ARHGAP8: variants seen among roughly 807,000 people sequenced by gnomAD.
ARHGAP8 encodes Rho GTPase activating protein 8.
ARHGAP8 carries 62 observed loss-of-function variants against 46.1 expected under a neutral mutation model. That is an observed-to-expected ratio of 1.34 (90% CI 1.10 to 1.66). The LOEUF (loss-of-function observed/expected upper bound fraction) is 1.66, where lower values mean the gene tolerates loss of function less well. ARHGAP8 is among the 40% of genes most tolerant of loss of function. The pLI, the probability that ARHGAP8 is intolerant of heterozygous loss-of-function variation, is 0.00. For missense variants in ARHGAP8, 923 were observed against 568.4 expected (o/e 1.62, Z -6.34); for synonymous variants, 375 against 243.1 (o/e 1.54, Z -5.05).
At position 44,783,447 on chromosome 22, in the gene ARHGAP8, C is replaced by G. The variant is rs912889451; in HGVS notation, c.-71-3010C>G. Among the ~76,000 whole-genome samples the G allele has an allele frequency of 2.2e-4, 34 of 152,208 alleles. 1 individual carries two copies. The highest frequency in any genetic ancestry group is 6.5e-5 in the Admixed American group (1 of 15,274). On this transcript the variant is annotated intron_variant, in intron 1 of 11. Coordinates refer to ENST00000356099, the MANE Select transcript of ARHGAP8 (RefSeq NM_181335.3). ...CGGCCCCCACAGGCCTCCTGCTCCC[C>G]CTTCTCTGCAGCCAGAGGGATCCTG...
intron 10 of ARHGAP8, among the ~76,000 whole-genome samples, chr22:44,855,710 G>C (rs1373277905): frequency 1.3e-5 from 2 of 152,136 alleles, no homozygotes; most frequent in South Asian, 4.1e-4. Flanking sequence ...ATGGATACAA[G>C]AGATGTTCTC....
chr22:44,857,590 C>A (rs77827853), intron 10 of ARHGAP8, among the ~76,000 whole-genome samples: 9,281 of 152,150 alleles, frequency 0.061, 389 homozygotes, highest in Non-Finnish European at 0.095. Context: ...GTGCGACGGA[C>A]AGGGGAGTGA....
chr22:44,862,329 T>C lies in ARHGAP8; in HGVS notation c.1036T>C (p.Phe346Leu). The C allele has an allele frequency of 6.2e-7, 1 of 1,613,890 alleles. No individual in the cohort carries two copies. Among genetic ancestry groups the C allele is most frequent in the Non-Finnish European group, 8.5e-7 (1 of 1,179,854 alleles). The change falls in exon 12 of 12, where the codon TTC becomes CTC. Residue 346 changes from phenylalanine to leucine, a missense_variant. Phe to Leu is a conservative substitution (Grantham distance 22). Coordinates refer to ENST00000356099, the MANE Select transcript of ARHGAP8 (RefSeq NM_181335.3). ...KMNSSNLACV[F>L]GLNLIWPSQG... is the part of the protein sequence containing the mutation. ...GAACAGCTCTAACCTGGCCTGTGTC[T>C]TCGGGCTGAATTTGATCTGGCCATC...
At chr22:44,754,126 G>T (rs1569128176) in intron 1 of ARHGAP8, among the ~76,000 whole-genome samples, 1 of 152,162 alleles carries the variant, frequency 6.6e-6, no homozygotes, top group Non-Finnish European at 1.5e-5. Flanking sequence ...TGGCTTCTGT[G>T]TAGAGAGAAT....
chr22:44,829,469 C>G (rs1337351499), intron 7 of ARHGAP8, among the ~76,000 whole-genome samples: 1 of 152,186 alleles, frequency 6.6e-6, no homozygotes, highest in African/African-American at 2.4e-5. Context: ...TCAGAACGTA[C>G]TGATGCAGGG....
rs200994103 is a variant in ARHGAP8, at chr22:44,786,586, A to G, written c.59A>G (p.His20Arg). The change falls in exon 2 of 12, where the codon CAT (histidine) becomes CGT (arginine). Residue 20 changes from histidine to arginine, a missense_variant. Physicochemically the swap from His to Arg is conservative, Grantham distance 29. Transcript: ENST00000356099. ...CACCCGTTCTACGACGTGGCCAGACATGGCATTCTGCAGGTGGCAGGTAGG... is the reference window on the plus strand; with the variant it reads ...CACCCGTTCTACGACGTGGCCAGACGTGGCATTCTGCAGGTGGCAGGTAGG... ...TSHPFYDVAR[H>R]GILQVAGDDR... 21 of 1,613,446 alleles carry G rather than the reference A, an allele frequency of 1.3e-5. No individual in the cohort carries two copies. In the East Asian group the frequency reaches 4.2e-4, roughly 33 times the overall value.
chr22:44,779,893 C>T (rs183608322), intron 1 of ARHGAP8, among the ~76,000 whole-genome samples: 104 of 152,210 alleles, frequency 6.8e-4, no homozygotes, highest in Non-Finnish European at 1.3e-3. Flanking sequence ...GACAAAACAA[C>T]AGGGGGGTCC....
Position 44,822,426 on chromosome 22 carries a change from C to T in ARHGAP8, c.442C>T (p.His148Tyr). Reference protein sequence around the residue: ...YFNYLSELHEHLKYDQLVIPP... With the variant: ...YFNYLSELHEYLKYDQLVIPP... ...CAACTACCTGAGTGAGCTCCACGAA[C>T]ACCTTAAATACGACCAGCTGGTCAT... Residue 148 changes from histidine to tyrosine, a missense_variant, in exon 6 of 12, where the codon CAC becomes TAC. By Grantham distance (83) the His-to-Tyr change is moderately conservative (BLOSUM62 2). Coordinates refer to ENST00000356099, the MANE Select transcript of ARHGAP8 (RefSeq NM_181335.3). The T allele has an allele frequency of 6.3e-7, 1 of 1,577,484 alleles. No homozygotes were observed. Among genetic ancestry groups the T allele is most frequent in the Non-Finnish European group, 8.6e-7 (1 of 1,168,216 alleles).
chr22:44,854,024 C>CAAAAAAAAAAAAA (rs71315119), intron 10 of ARHGAP8, among the ~76,000 whole-genome samples: 2 of 43,304 alleles, frequency 4.6e-5, no homozygotes, highest in African/African-American at 8.9e-5. Flanking sequence ...GACTCTGTCT[C>CAAAAAAAAAAAAA]AAAAAAAAAA....
intron 11 of ARHGAP8, 46 bp from the exon 12 acceptor site, chr22:44,862,229 G>A (rs1221461751): frequency 1.1e-5 from 17 of 1,542,204 alleles, no homozygotes; most frequent in Non-Finnish European, 1.5e-5. Flanking sequence ...AGGTGCCCGT[G>A]CCCCTTGGTG....
intron 10 of ARHGAP8, 142 bp from the exon 11 acceptor site, chr22:44,859,589 A>C (rs564860509): frequency 7.5e-6 from 6 of 797,174 alleles, no homozygotes; most frequent in South Asian, 3.0e-5. Context: ...CGGCCAGAAG[A>C]TAAGTGGGGG....
chr22:44,781,352 A>C (rs1926834494), intron 1 of ARHGAP8, among the ~76,000 whole-genome samples: 1 of 152,116 alleles, frequency 6.6e-6, no homozygotes, highest in Non-Finnish European at 1.5e-5. Context: ...TTGCTGTGGC[A>C]GCGTGACGGT....
chr22:44,798,883 G>C (rs1358006349), intron 2 of ARHGAP8, among the ~76,000 whole-genome samples: 2 of 148,866 alleles, frequency 1.3e-5, no homozygotes, highest in Admixed American at 6.6e-5. Flanking sequence ...TCCTGCCTCA[G>C]CCTCCCGAGT....
At position 44,825,648 on chromosome 22, in the gene ARHGAP8, G is replaced by A. The variant is rs571798185; in HGVS notation, c.596+55G>A. 225 of 1,544,560 alleles carry A rather than the reference G, an allele frequency of 1.5e-4. 2 individuals are homozygous for A. In the African/African-American group the frequency reaches 2.9e-3, roughly 20 times the overall value. On this transcript the variant is annotated intron_variant, in intron 7 of 11. Transcript: ENST00000356099. The stretch of plus-strand genomic sequence containing the variant: ...ATGCCCTGGAGCCCTGGGAGCTGTG[G>A]GGCGCTTCTGGGTCCAGAAATATTT...
At chr22:44,794,009 T>C (rs4823257) in intron 2 of ARHGAP8, among the ~76,000 whole-genome samples, 69,281 of 152,094 alleles carry the variant, frequency 0.46, 18,023 homozygotes, top group African/African-American at 0.72. Flanking sequence ...CCGGCCTCAG[T>C]GCGGGGCATG....
chr22:44,755,232 T>A (rs1056389821), intron 1 of ARHGAP8, among the ~76,000 whole-genome samples: 2 of 152,110 alleles, frequency 1.3e-5, no homozygotes, highest in African/African-American at 4.8e-5. Context: ...GCTACAGTGT[T>A]CCCCGTGTCC....
chr22:44,846,567 C>T (rs1488638878), intron 8 of ARHGAP8, among the ~76,000 whole-genome samples: 2 of 152,176 alleles, frequency 1.3e-5, no homozygotes, highest in African/African-American at 4.8e-5. Context: ...GGGCACCCCA[C>T]ACTGGGACCC....
At chr22:44,762,339 G>A (rs1047412508) in intron 1 of ARHGAP8, among the ~76,000 whole-genome samples, 1 of 152,066 alleles carries the variant, frequency 6.6e-6, no homozygotes, top group Non-Finnish European at 1.5e-5. Flanking sequence ...GGGAGGCTGA[G>A]GTGGGAGGAT....
intron 7 of ARHGAP8, among the ~76,000 whole-genome samples, chr22:44,827,374 G>T (rs970479750): frequency 3.4e-4 from 31 of 92,104 alleles, no homozygotes; most frequent in African/African-American, 1.3e-3. Flanking sequence ...AGACAGTCTC[G>T]CTCTGTCCCC....
Sources: gnomAD v4.1 joint callset for allele counts (sites outside exome capture counted in the v4.1 genomes callset) on GRCh38, gnomAD v4.1.1 for gene constraint, MANE v1.5 for transcripts, NCBI Gene and HGNC (gene_info 2026-07-23, HGNC 2026-07-21) for gene names.